Variants in NRG3 observed in about 807,000 individuals in gnomAD.
NRG3 encodes the protein pro-neuregulin-3, membrane-bound isoform.
NRG3 carries 31 observed loss-of-function variants against 66.9 expected under a neutral mutation model. The observed-to-expected ratio is 0.46, with a 90% CI of 0.35 to 0.63. The LOEUF (loss-of-function observed/expected upper bound fraction) is 0.63, where lower values mean the gene tolerates loss of function less well. Among genes scored for constraint, NRG3 ranks in the 20% least tolerant of loss-of-function variants. NRG3 has a pLI of 0.00. For synonymous variants in NRG3, 393 were observed against 359.4 expected, an observed-to-expected ratio of 1.09 and a Z score of -1.06; for missense variants, 910 against 878.9, an observed-to-expected ratio of 1.04 and a Z score of -0.45.
chr10:82,777,870 C>G (rs1285293466), intron 3 of NRG3, among the ~76,000 whole-genome samples: 2 of 152,172 alleles, frequency 1.3e-5, no homozygotes, highest in Non-Finnish European at 2.9e-5. Context: ...GTAGCTTGGA[C>G]TCCGGGGAGT....
intron 2 of NRG3, among the ~76,000 whole-genome samples, chr10:82,686,722 C>A (rs536326098): frequency 1.3e-5 from 2 of 152,292 alleles, no homozygotes; most frequent in Admixed American, 6.5e-5. Context: ...ACAGTCATCT[C>A]AGGAATTAAA....
intron 3 of NRG3, among the ~76,000 whole-genome samples, chr10:82,781,342 TA>T: frequency 6.6e-6 from 1 of 152,314 alleles, no homozygotes; most frequent in East Asian, 1.9e-4. Flanking sequence ...ATTATTCAGT[TA>T]ATTCCCATCA....
intron 1 of NRG3, among the ~76,000 whole-genome samples, chr10:82,051,425 C>T (rs555470553): frequency 9.8e-4 from 149 of 152,210 alleles, no homozygotes; most frequent in African/African-American, 3.4e-3. Context: ...GTGAGGATGA[C>T]GTCTACTTGC....
At chr10:82,752,532 A>G (rs1358078015) in intron 3 of NRG3, among the ~76,000 whole-genome samples, 1 of 152,168 alleles carries the variant, frequency 6.6e-6, no homozygotes, top group Non-Finnish European at 1.5e-5. Flanking sequence ...ATTTTATTTC[A>G]GTTCATACAG....
At chr10:82,939,744 C>T (rs1474545314) in intron 4 of NRG3, among the ~76,000 whole-genome samples, 1 of 151,972 alleles carries the variant, frequency 6.6e-6, no homozygotes, top group Admixed American at 6.6e-5. Context: ...GCTGAGATTA[C>T]GGGTGTGAGC....
chr10:81,920,206 A>G (rs544384869), intron 1 of NRG3, among the ~76,000 whole-genome samples: 1 of 152,290 alleles, frequency 6.6e-6, no homozygotes, highest in African/African-American at 2.4e-5. Flanking sequence ...GCTGGAAAAG[A>G]GATGAGATCT....
At chr10:82,944,786 A>C (rs929507738) in intron 4 of NRG3, among the ~76,000 whole-genome samples, 1 of 152,226 alleles carries the variant, frequency 6.6e-6, no homozygotes, top group African/African-American at 2.4e-5. Context: ...AATGTTCGAA[A>C]ACATTTGTTC....
In NRG3 at chr10:82,577,604, G is replaced by C. The variant is rs563256160; in HGVS notation, c.954-160973G>C. Among the ~76,000 whole-genome samples the C allele has an allele frequency of 7.4e-4, 113 of 151,796 alleles. 1 individual carries two copies. The highest frequency in any genetic ancestry group is 2.6e-3 in the African/African-American group (108 of 41,512). ...ACATTTAAGAGAAAATAATCCCATT[G>C]TTTTGTTGCACTAGCTTAAAAAAAT... On this transcript the variant is annotated intron_variant, in intron 2 of 8. Transcript: ENST00000372141.
chr10:82,696,327 G>A (rs1397550903), intron 2 of NRG3, among the ~76,000 whole-genome samples: 1 of 152,012 alleles, frequency 6.6e-6, no homozygotes, highest in Non-Finnish European at 1.5e-5. Context: ...TTGTAATCAT[G>A]ATGTATGTGT....
chr10:82,185,564 C>T (rs1357591173), intron 1 of NRG3, among the ~76,000 whole-genome samples: 2 of 152,202 alleles, frequency 1.3e-5, no homozygotes, highest in Non-Finnish European at 2.9e-5. Context: ...TACTTGCATA[C>T]TGCAGCTTAT....
At chr10:82,695,884 T>C (rs2055342627) in intron 2 of NRG3, among the ~76,000 whole-genome samples, 1 of 152,102 alleles carries the variant, frequency 6.6e-6, no homozygotes, top group African/African-American at 2.4e-5. Context: ...GAATGGCCTC[T>C]CCCTTAAAAC....
chr10:82,603,594 C>T (rs1197822289), intron 2 of NRG3, among the ~76,000 whole-genome samples: 1 of 151,970 alleles, frequency 6.6e-6, no homozygotes, highest in Non-Finnish European at 1.5e-5. Context: ...ACAGTTTCAC[C>T]TTTGAAAGCC....
chr10:82,535,735 T>G (rs1847746106), intron 2 of NRG3, among the ~76,000 whole-genome samples: 1 of 152,182 alleles, frequency 6.6e-6, no homozygotes, highest in African/African-American at 2.4e-5. Context: ...TTAAATGTCT[T>G]AAACATAATT....
At chr10:82,673,201 G>A (rs975815382) in intron 2 of NRG3, among the ~76,000 whole-genome samples, 5 of 152,216 alleles carry the variant, frequency 3.3e-5, no homozygotes, top group South Asian at 2.1e-4. Flanking sequence ...GGCTGGCCCC[G>A]CCTTGCACCC....
intron 1 of NRG3, among the ~76,000 whole-genome samples, chr10:81,936,299 C>T (rs532698938): frequency 2.0e-5 from 3 of 152,258 alleles, no homozygotes; most frequent in East Asian, 3.9e-4. Flanking sequence ...GAGTATGGAA[C>T]ATTCAAGAAA....
At chr10:82,856,483 G>A (rs1366001465) in intron 3 of NRG3, among the ~76,000 whole-genome samples, 2 of 151,914 alleles carry the variant, frequency 1.3e-5, no homozygotes, top group Non-Finnish European at 2.9e-5. Flanking sequence ...AGTAGCTCAC[G>A]CCTGTAATCC....
chr10:82,459,363 A>G (rs922914229), intron 2 of NRG3, among the ~76,000 whole-genome samples: 1 of 152,176 alleles, frequency 6.6e-6, no homozygotes, highest in African/African-American at 2.4e-5. Context: ...TGTTATCAGC[A>G]GACTTTTTTG....
At chr10:82,102,654 T>C (rs912024816) in intron 1 of NRG3, among the ~76,000 whole-genome samples, 2 of 151,922 alleles carry the variant, frequency 1.3e-5, no homozygotes, top group East Asian at 1.9e-4. Flanking sequence ...ACACACACAG[T>C]ATGTGTAGGT....
At chr10:81,916,686 C>G (rs1248411812) in intron 1 of NRG3, among the ~76,000 whole-genome samples, 1 of 152,124 alleles carries the variant, frequency 6.6e-6, no homozygotes, top group Non-Finnish European at 1.5e-5. Flanking sequence ...GCTATGAGCA[C>G]AAACTCTAGT....
Sources: allele counts gnomAD v4.1 joint callset (sites outside exome capture counted in the v4.1 genomes callset), GRCh38; gene constraint gnomAD v4.1.1; transcripts MANE v1.5; gene names NCBI Gene and HGNC (gene_info 2026-07-23, HGNC 2026-07-21).